SHANK2: variants seen among roughly 807,000 people sequenced by gnomAD.
SHANK2 encodes the protein SH3 and multiple ankyrin repeat domains 2.
SHANK2 carries 43 observed loss-of-function variants against 133.7 expected under a neutral mutation model. The ratio of observed to expected loss-of-function variants is 0.32; its 90% CI spans 0.25 to 0.41. The LOEUF (loss-of-function observed/expected upper bound fraction) is 0.41, where lower values mean the gene tolerates loss of function less well. Among genes scored for constraint, SHANK2 ranks in the 10% least tolerant of loss-of-function variants. The pLI is 1.00. For synonymous variants in SHANK2, 1,017 were observed against 952.8 expected (o/e 1.07, Z -1.24); for missense variants, 1,994 against 2,235.8 (o/e 0.89, Z 2.18).
chr11:71,180,907 G>A (rs1165263099), intron 2 of SHANK2, among the ~76,000 whole-genome samples: 2 of 152,088 alleles, frequency 1.3e-5, no homozygotes, highest in East Asian at 2.0e-4. Context: ...GCACAGCCCC[G>A]TCCGGCTGTC....
chr11:70,929,535 T>C (rs1485249303), intron 10 of SHANK2, among the ~76,000 whole-genome samples: 1 of 152,186 alleles, frequency 6.6e-6, no homozygotes, highest in Non-Finnish European at 1.5e-5. Flanking sequence ...ATCTGCATTT[T>C]TGGGCTCATG....
intron 14 of SHANK2, among the ~76,000 whole-genome samples, chr11:70,740,022 C>G (rs557809617): frequency 1.2e-4 from 19 of 152,334 alleles, no homozygotes; most frequent in African/African-American, 4.3e-4. Context: ...CCGGCAGGGG[C>G]AGGAATTTTG....
chr11:71,188,586 C>G lies in SHANK2; in HGVS notation c.-13+36111G>C, dbSNP rs1259686485. 6.6e-6 allele frequency among the ~76,000 whole-genome samples: 1 copy of G among 152,204 alleles called. No individual in the cohort carries two copies. Among genetic ancestry groups the G allele is most frequent in the Non-Finnish European group, 1.5e-5 (1 of 68,030 alleles). ...AGGCCCCATGAATTACCCTGGCAAC[C>G]AGGTACAGCCGTGAAGACAATGAAA... On this transcript the variant is annotated intron_variant, in intron 2 of 25. Transcript: ENST00000601538. This position sits in a 1 kb window ranked among gnomAD's most constrained non-coding sequence, Gnocchi z 4.6.
intron 11 of SHANK2, among the ~76,000 whole-genome samples, chr11:70,825,099 C>T (rs1040653080): frequency 6.6e-6 from 1 of 152,094 alleles, no homozygotes; most frequent in Non-Finnish European, 1.5e-5. Flanking sequence ...TTCCCCGCCC[C>T]GACAATGCAG....
chr11:71,180,379 TGTG>T (rs1171818108), intron 2 of SHANK2, among the ~76,000 whole-genome samples: 4 of 151,754 alleles, frequency 2.6e-5, no homozygotes, highest in Non-Finnish European at 5.9e-5. Flanking sequence ...CAAAGAAAAA[TGTG>T]GAGGAGGTGA....
At chr11:70,902,141 C>T (rs114806756) in intron 10 of SHANK2, among the ~76,000 whole-genome samples, 1,971 of 152,336 alleles carry the variant, frequency 0.013, 45 homozygotes, top group African/African-American at 0.045. Context: ...TGCCACTGGA[C>T]AGCAGAGCAG....
chr11:71,073,651 G>C (rs1305278888), intron 9 of SHANK2, among the ~76,000 whole-genome samples: 2 of 152,034 alleles, frequency 1.3e-5, no homozygotes, highest in Non-Finnish European at 2.9e-5. Flanking sequence ...AAATTTTGTA[G>C]AGATGGGGTC....
chr11:70,733,603 G>A (rs1946334219), intron 14 of SHANK2, among the ~76,000 whole-genome samples: 1 of 152,268 alleles, frequency 6.6e-6, no homozygotes, highest in Non-Finnish European at 1.5e-5. Context: ...AGGCAGAGCT[G>A]AGAGGCTGCC....
At chr11:70,854,669 A>G (rs1330193393) in intron 11 of SHANK2, among the ~76,000 whole-genome samples, 3 of 152,212 alleles carry the variant, frequency 2.0e-5, no homozygotes, top group African/African-American at 7.2e-5. Context: ...CCACACAGTG[A>G]AAGGTCCCGC....
At chr11:70,840,352 G>A (rs1475836216) in intron 11 of SHANK2, among the ~76,000 whole-genome samples, 1 of 152,240 alleles carries the variant, frequency 6.6e-6, no homozygotes, top group Admixed American at 6.5e-5. Context: ...TGTTCTGGGT[G>A]CTACCTCTGC....
intron 15 of SHANK2, among the ~76,000 whole-genome samples, chr11:70,691,909 A>C (rs1228639798): frequency 6.6e-6 from 1 of 152,156 alleles, no homozygotes; most frequent in Non-Finnish European, 1.5e-5. Flanking sequence ...TAAATAAATA[A>C]ATAGTAAAAA....
intron 14 of SHANK2, among the ~76,000 whole-genome samples, chr11:70,719,040 C>T (rs549173813): frequency 8.5e-5 from 13 of 152,296 alleles, no homozygotes; most frequent in East Asian, 1.9e-4. Context: ...ACAGTAGGCA[C>T]GCAAGGAAGA....
chr11:70,502,654 C>T lies in SHANK2; in HGVS notation c.2197+142G>A, dbSNP rs1301741361. ...TGTCGTGGGCTCTGGCGGTAAATTCCAGCCTCACCCCTGTGCCTGGGCTCT... is the reference window on the plus strand; with the variant it reads ...TGTCGTGGGCTCTGGCGGTAAATTCTAGCCTCACCCCTGTGCCTGGGCTCT... On this transcript the variant is annotated intron_variant, in intron 18 of 25. Coordinates refer to ENST00000601538, the MANE Select transcript of SHANK2 (RefSeq NM_012309.5). 4.3e-5 allele frequency: 43 copies of T among 1,002,164 alleles called. No individual in the cohort carries two copies. The East Asian group carries it at 1.1e-3, about 26-fold the overall frequency. 62.1% of individuals were successfully genotyped at this position (1,002,164 alleles called of 1,614,324 possible).
chr11:70,577,631 G>A (rs1354736311), intron 17 of SHANK2, among the ~76,000 whole-genome samples: 6 of 152,154 alleles, frequency 3.9e-5, no homozygotes, highest in African/African-American at 1.4e-4. Context: ...TTGATTTGAG[G>A]GGCCAGGACT....
chr11:71,103,298 G>A (rs1339638691), intron 6 of SHANK2, among the ~76,000 whole-genome samples: 1 of 152,202 alleles, frequency 6.6e-6, no homozygotes, highest in Non-Finnish European at 1.5e-5. Context: ...GAGCACAGCA[G>A]GTCACCAATA....
Position 70,486,017 on chromosome 11 carries a change from C to T in SHANK2, c.4276G>A (p.Asp1426Asn). Residue 1426 changes from aspartate to asparagine, a missense_variant, in exon 25 of 26, where the codon GAC becomes AAC. By Grantham distance (23) the Asp-to-Asn change is conservative (BLOSUM62 1). Transcript: ENST00000601538. The surrounding 1 kb of genome is among the most constrained non-coding windows in gnomAD (Gnocchi z 8.0). ...AGAGCCGGGACAGAAGCTGCCCGGTCATCGGGGATATCAAAACTATTTGCA... is the reference window on the plus strand; with the variant it reads ...AGAGCCGGGACAGAAGCTGCCCGGTTATCGGGGATATCAAAACTATTTGCA... Reference protein sequence around the residue: ...EFANSFDIPDDRAASVPALSD... With the variant: ...EFANSFDIPDNRAASVPALSD... 6.2e-7 allele frequency: 1 copy of T among 1,614,048 alleles called. No homozygotes were observed. Among genetic ancestry groups the T allele is most frequent in the Non-Finnish European group, 8.5e-7 (1 of 1,180,024 alleles).
At position 70,562,425 on chromosome 11, in the gene SHANK2, G is replaced by A. The variant is rs141623762; in HGVS notation, c.2062-59494C>T. On this transcript the variant is annotated intron_variant, in intron 17 of 25. Coordinates refer to ENST00000601538, the MANE Select transcript of SHANK2 (RefSeq NM_012309.5). ...ATTTTTCCTTGCAGGTCTATTTTTT[G>A]CTTCATGTATTTTGAGGCTCTGTTA... Among the ~76,000 whole-genome samples, 1,462 of 152,204 alleles carry A rather than the reference G, an allele frequency of 9.6e-3. 17 individuals are homozygous for A. Among genetic ancestry groups the A allele is most frequent in the Non-Finnish European group, 0.014 (976 of 67,996 alleles).
chr11:70,628,720 T>C (rs111319673), intron 17 of SHANK2, among the ~76,000 whole-genome samples: 191 of 152,320 alleles, frequency 1.3e-3, no homozygotes, highest in African/African-American at 4.4e-3. Flanking sequence ...TACAGCAGGC[T>C]GTTAGCACCG....
At chr11:70,523,508 G>T (rs985407817) in intron 17 of SHANK2, among the ~76,000 whole-genome samples, 1 of 152,120 alleles carries the variant, frequency 6.6e-6, no homozygotes, top group Non-Finnish European at 1.5e-5. Flanking sequence ...TGACTGGAAG[G>T]GGGGATGCAG....
Sources: allele counts gnomAD v4.1 joint callset (sites outside exome capture counted in the v4.1 genomes callset), GRCh38; gene constraint gnomAD v4.1.1; non-coding constraint Gnocchi (gnomAD v3.1); transcripts MANE v1.5; gene names NCBI Gene and HGNC (gene_info 2026-07-23, HGNC 2026-07-21).